The following LYZL4 variants were observed in gnomAD, a reference collection of about 807,000 sequenced individuals.
LYZL4 encodes the protein lysozyme-like protein 4.
A neutral mutation model predicts 17.6 loss-of-function variants in LYZL4; 13 were observed. The observed-to-expected ratio is 0.74, with a 90% CI of 0.48 to 1.18. LYZL4 has a LOEUF of 1.18. Among genes scored for constraint, LYZL4 ranks in the 50% most tolerant of loss-of-function variants. The pLI is 0.00. For synonymous variants in LYZL4, 64 were observed against 67.7 expected, an observed-to-expected ratio of 0.95 and a Z score of 0.27; for missense variants, 174 against 188.2, an observed-to-expected ratio of 0.92 and a Z score of 0.44.
At chr3:42,364,140 A>G in the LYZL4 span, among the ~76,000 whole-genome samples, 1 of 152,074 alleles carries the variant, frequency 6.6e-6, no homozygotes, top group Non-Finnish European at 1.5e-5. Flanking sequence ...AGAGCTTCTC[A>G]TGGCCTCCCC....
At chr3:42,362,835 A>T in the LYZL4 span, among the ~76,000 whole-genome samples, 5 of 152,222 alleles carry the variant, frequency 3.3e-5, no homozygotes, top group East Asian at 9.6e-4. Flanking sequence ...ACAAAGGGGA[A>T]ATGTGCCTTT....
the LYZL4 span, among the ~76,000 whole-genome samples, chr3:42,368,721 G>A: frequency 1.3e-5 from 2 of 151,992 alleles, no homozygotes; most frequent in African/African-American, 2.4e-5. Flanking sequence ...TTGCTTTCTA[G>A]AAAGGTCTTC....
chr3:42,382,144 A>G, the LYZL4 span, among the ~76,000 whole-genome samples: 1 of 152,276 alleles, frequency 6.6e-6, no homozygotes, highest in Non-Finnish European at 1.5e-5. Context: ...TTGTATATAC[A>G]AAGTCTTTCA....
the LYZL4 span, among the ~76,000 whole-genome samples, chr3:42,369,940 G>T: frequency 1.3e-5 from 2 of 152,130 alleles, no homozygotes; most frequent in East Asian, 3.9e-4. Context: ...CCAGCTACTC[G>T]AGAGATAGAG....
chr3:42,391,973 A>G, the LYZL4 span, among the ~76,000 whole-genome samples: 1 of 151,474 alleles, frequency 6.6e-6, no homozygotes, highest in East Asian at 1.9e-4. Context: ...GGCTTAATCG[A>G]TCCTCCCACC....
chr3:42,366,955 G>C, the LYZL4 span, among the ~76,000 whole-genome samples: 1 of 152,224 alleles, frequency 6.6e-6, no homozygotes, highest in South Asian at 2.1e-4. Context: ...GTACAGGGCT[G>C]TGCTTATAGC....
At chr3:42,390,444 T>C in the LYZL4 span, among the ~76,000 whole-genome samples, 2 of 152,104 alleles carry the variant, frequency 1.3e-5, no homozygotes, top group Admixed American at 6.5e-5. Context: ...AACCTACCAA[T>C]AGCAAAGACC....
chr3:42,367,282 A>G, the LYZL4 span, among the ~76,000 whole-genome samples: 1 of 152,354 alleles, frequency 6.6e-6, no homozygotes, highest in Non-Finnish European at 1.5e-5. Context: ...CCCAAGGACT[A>G]TAACAACAAC....
the LYZL4 span, among the ~76,000 whole-genome samples, chr3:42,370,736 A>G: frequency 6.6e-6 from 1 of 152,166 alleles, no homozygotes; most frequent in African/African-American, 2.4e-5. Flanking sequence ...TCAAATCTTC[A>G]GGCTTTACTA....
At chr3:42,399,241 G>C (rs1698611256) in intron 4 of LYZL4, among the ~76,000 whole-genome samples, 1 of 152,182 alleles carries the variant, frequency 6.6e-6, no homozygotes, top group Non-Finnish European at 1.5e-5. Context: ...GGGTGGAGGG[G>C]CCCCTTCTCC....
chr3:42,368,609 A>T, the LYZL4 span, among the ~76,000 whole-genome samples: 182 of 151,618 alleles, frequency 1.2e-3, no homozygotes, highest in African/African-American at 4.1e-3. Context: ...TTTTTTTCAA[A>T]TTTCTATCAA....
chr3:42,407,175 G>A lies in LYZL4; in HGVS notation c.77C>T (p.Thr26Ile), dbSNP rs1698771871. The A allele has an allele frequency of 6.2e-7, 1 of 1,614,052 alleles. No homozygotes were observed. The highest frequency in any genetic ancestry group is 8.5e-7 in the Non-Finnish European group (1 of 1,180,034). The change falls in exon 2 of 5, where the codon ACA becomes ATA. Residue 26 changes from threonine (T) to isoleucine (I), a missense_variant. Coordinates refer to ENST00000287748, the MANE Select transcript of LYZL4 (RefSeq NM_144634.4). ...PSGAYILGRC[T>I]VAKKLHDGGL... ...TCCATCGTGGAGTTTCTTAGCCACT[G>A]TGCAACGCCCCAAGATGTAAGCACC... is the stretch of plus-strand genomic sequence containing the variant.
the LYZL4 span, among the ~76,000 whole-genome samples, chr3:42,376,866 G>A: frequency 6.6e-6 from 1 of 152,128 alleles, no homozygotes; most frequent in African/African-American, 2.4e-5. Context: ...TAATAATGTT[G>A]GCAAGGAAAG....
chr3:42,389,142 G>T, the LYZL4 span, among the ~76,000 whole-genome samples: 2 of 152,222 alleles, frequency 1.3e-5, no homozygotes, highest in African/African-American at 4.8e-5. Context: ...ACCCTCGGAG[G>T]TGCTCATGAT....
At chr3:42,368,752 G>A in the LYZL4 span, among the ~76,000 whole-genome samples, 2 of 152,036 alleles carry the variant, frequency 1.3e-5, no homozygotes, top group Admixed American at 6.5e-5. Context: ...TTCTAACCAA[G>A]TACAGCAAAA....
At chr3:42,387,925 C>A in the LYZL4 span, among the ~76,000 whole-genome samples, 1 of 152,262 alleles carries the variant, frequency 6.6e-6, no homozygotes, top group Admixed American at 6.5e-5. Flanking sequence ...CCACAGAGAC[C>A]TTTCCCACCT....
chr3:42,369,946 T>C, the LYZL4 span, among the ~76,000 whole-genome samples: 3 of 152,042 alleles, frequency 2.0e-5, no homozygotes, highest in African/African-American at 7.3e-5. Flanking sequence ...ACTCGAGAGA[T>C]AGAGGTGGGA....
chr3:42,370,898 C>G, the LYZL4 span, among the ~76,000 whole-genome samples: 1 of 152,194 alleles, frequency 6.6e-6, no homozygotes, highest in African/African-American at 2.4e-5. Flanking sequence ...CTTCCTCATA[C>G]GATCTGAATG....
At chr3:42,377,637 G>C in the LYZL4 span, among the ~76,000 whole-genome samples, 2 of 150,618 alleles carry the variant, frequency 1.3e-5, no homozygotes, top group Admixed American at 6.7e-5. Flanking sequence ...GTGTGTGTGT[G>C]TGTGTGTGTG....
Sources: gnomAD v4.1 joint callset for allele counts (sites outside exome capture counted in the v4.1 genomes callset) on GRCh38, gnomAD v4.1.1 for gene constraint, MANE v1.5 for transcripts, NCBI Gene and HGNC (gene_info 2026-07-23, HGNC 2026-07-21) for gene names.